CDC42BPB: variants seen among roughly 807,000 people sequenced by gnomAD.
The protein encoded by CDC42BPB is serine/threonine-protein kinase MRCK beta.
Under a neutral mutation model 214.9 loss-of-function variants are expected in CDC42BPB, and 37 were observed. The observed-to-expected ratio is 0.17, with a 90% CI of 0.13 to 0.23. The LOEUF (loss-of-function observed/expected upper bound fraction) is 0.23. Ranked by LOEUF, CDC42BPB falls within the 10% of genes least tolerant of loss-of-function variation. The probability of loss-of-function intolerance (pLI) is 1.00; values close to 1 mark genes in which losing one functional copy is unlikely to be tolerated. For missense variants in CDC42BPB, 1,694 were observed against 2,227.0 expected, an observed-to-expected ratio of 0.76 and a Z score of 4.82; for synonymous variants, 931 against 884.0, an observed-to-expected ratio of 1.05 and a Z score of -0.94.
chr14:102,945,173 C>A, intron 29 of CDC42BPB: 1 of 452,616 alleles, frequency 2.2e-6, no homozygotes. Context: ...CTATGGCTCA[C>A]ATGAAATGTC....
At chr14:102,977,582 G>A (rs150843659) in intron 9 of CDC42BPB, among the ~76,000 whole-genome samples, 1 of 152,254 alleles carries the variant, frequency 6.6e-6, no homozygotes, top group Non-Finnish European at 1.5e-5. Flanking sequence ...TGGGACAGGG[G>A]CCCACAACAC....
intron 1 of CDC42BPB, among the ~76,000 whole-genome samples, chr14:103,030,102 G>A (rs1887280916): frequency 6.6e-6 from 1 of 152,126 alleles, no homozygotes; most frequent in South Asian, 2.1e-4. Flanking sequence ...CTCAGAGTGA[G>A]GCGCTCACTT....
At chr14:102,952,196 T>A (rs932787953) in intron 24 of CDC42BPB, among the ~76,000 whole-genome samples, 1 of 151,550 alleles carries the variant, frequency 6.6e-6, no homozygotes, top group Non-Finnish European at 1.5e-5. Context: ...ACAAAAAAAA[T>A]TTAAAAATAG....
rs1891721453 is a variant in CDC42BPB at position 102,938,144 on chromosome 14, A to G, written c.4964T>C (p.Leu1655Pro). 6.2e-7 allele frequency: 1 copy of G among 1,613,980 alleles called. No homozygotes were observed. The change falls in exon 36 of 37, where the codon CTG (leucine) becomes CCG (proline). Residue 1655 changes from leucine (L) to proline (P), a missense_variant. Coordinates refer to ENST00000361246, the MANE Select transcript of CDC42BPB (RefSeq NM_006035.4). The part of the protein sequence containing the change: ...GGSEPSVTVP[L>P]RSMSDPDQDF... Reference sequence around the variant, plus strand: ...CTGGTCTGGATCAGACATACTTCTCAGAGGCACAGTCACGCTAGGCTCCGA... The same window carrying G: ...CTGGTCTGGATCAGACATACTTCTCGGAGGCACAGTCACGCTAGGCTCCGA...
At position 103,004,724 on chromosome 14, in the gene CDC42BPB, C is replaced by A. The variant is rs1353550222; in HGVS notation, c.352-701G>T. On this transcript the variant is annotated intron_variant, in intron 3 of 36. Coordinates refer to ENST00000361246, the MANE Select transcript of CDC42BPB (RefSeq NM_006035.4). The surrounding 1 kb of genome is among the most constrained non-coding windows in gnomAD (Gnocchi z 5.3). The stretch of plus-strand genomic sequence containing the variant: ...CTCTACTAAAAACTAGAAAAACTAG[C>A]CAGGTGTGGTGGCAGGTGCCTGTAA... 6.6e-6 allele frequency among the ~76,000 whole-genome samples: 1 copy of A among 151,968 alleles called. No individual in the cohort carries two copies. The highest frequency in any genetic ancestry group is 1.5e-5 in the Non-Finnish European group (1 of 67,984).
intron 30 of CDC42BPB, 34 bp from the exon 31 acceptor site, chr14:102,940,358 A>G (rs1303831712): frequency 6.5e-7 from 1 of 1,549,762 alleles, no homozygotes; most frequent in Non-Finnish European, 8.7e-7. Context: ...GGTGAGCCAC[A>G]GTGGCTCAGG....
intron 36 of CDC42BPB, 30 bp from the exon 37 acceptor site, chr14:102,933,873 C>A: frequency 6.7e-7 from 1 of 1,488,752 alleles, no homozygotes; most frequent in African/African-American, 1.5e-5. Flanking sequence ...AGGGTGAGCA[C>A]CCGCTGCCCT....
At chr14:102,976,787 C>T (rs535857568) in intron 9 of CDC42BPB, among the ~76,000 whole-genome samples, 1 of 152,296 alleles carries the variant, frequency 6.6e-6, no homozygotes, top group Admixed American at 6.5e-5. Context: ...TCCAGCCCTG[C>T]GGGATCTGTC....
intron 1 of CDC42BPB, chr14:103,041,542 C>T: frequency 7.4e-7 from 1 of 1,359,350 alleles, no homozygotes; most frequent in Non-Finnish European, 1.0e-6. Flanking sequence ...CCACATGGTT[C>T]AACCAGCCGG....
chr14:103,006,398 C>A lies in CDC42BPB; in HGVS notation c.351+2074G>T, dbSNP rs74082734. 5.5e-3 allele frequency among the ~76,000 whole-genome samples: 838 copies of A among 152,340 alleles called. 9 individuals carry two copies. The highest frequency in any genetic ancestry group is 0.019 in the African/African-American group (806 of 41,576). On this transcript the variant is annotated intron_variant, in intron 3 of 36. Coordinates refer to ENST00000361246, the MANE Select transcript of CDC42BPB (RefSeq NM_006035.4). Reference sequence around the variant, plus strand: ...GAAGCTCTGCCTGGCAGCTAGCTGCCCAGAGCATTTAGGAAAAACCCATTC... The same window carrying A: ...GAAGCTCTGCCTGGCAGCTAGCTGCACAGAGCATTTAGGAAAAACCCATTC...
intron 1 of CDC42BPB, among the ~76,000 whole-genome samples, chr14:103,031,940 T>C (rs1460074205): frequency 1.3e-5 from 2 of 151,954 alleles, no homozygotes; most frequent in Non-Finnish European, 2.9e-5. Context: ...CTCCAAAGTG[T>C]CTCCAGTGAA....
At position 102,967,122 on chromosome 14, in the gene CDC42BPB, C is replaced by T. The variant is rs1893245049; in HGVS notation, c.2395G>A (p.Asp799Asn). Reference protein sequence around the residue: ...KLTAQNRQLEDELQDLAAKKE... With the variant: ...KLTAQNRQLENELQDLAAKKE... ...TTGGCTGCCAGATCCTGCAGCTCAT[C>T]CTCCAGCTGTCTATTTTGAGCTGTG... The change falls in exon 17 of 37, where the codon GAT (aspartate) becomes AAT (asparagine). Residue 799 changes from aspartate (D) to asparagine (N), a missense_variant. By Grantham distance (23) the Asp-to-Asn change is conservative (BLOSUM62 1). Around this residue, in one of 7 missense-constraint regions of CDC42BPB, gnomAD observed 462 missense variants for 513.5 expected, o/e 0.90. Transcript: ENST00000361246. 4 of 1,614,074 alleles carry T rather than the reference C, an allele frequency of 2.5e-6. No homozygotes were observed. The Admixed American group carries it at 5.0e-5, about 20-fold the overall frequency.
intron 27 of CDC42BPB, 73 bp downstream of exon 27, chr14:102,947,648 A>G (rs1430044930): frequency 7.5e-7 from 1 of 1,328,646 alleles, no homozygotes; most frequent in Admixed American, 1.7e-5. Flanking sequence ...TGGCTGCCGC[A>G]GCACAATGAC....
At chr14:102,936,305 C>T (rs1431166362) in intron 36 of CDC42BPB, among the ~76,000 whole-genome samples, 1 of 152,358 alleles carries the variant, frequency 6.6e-6, no homozygotes, top group South Asian at 2.1e-4. Context: ...CACGTGTTCA[C>T]AGCAGCACCA....
intron 5 of CDC42BPB, among the ~76,000 whole-genome samples, chr14:102,994,290 T>C (rs1376338601): frequency 6.6e-6 from 1 of 152,142 alleles, no homozygotes; most frequent in Non-Finnish European, 1.5e-5. Context: ...CTTCCTTGTA[T>C]ACCTTCCAGG....
At chr14:103,044,691 G>C (rs1460867814) in intron 1 of CDC42BPB, among the ~76,000 whole-genome samples, 2 of 150,338 alleles carry the variant, frequency 1.3e-5, no homozygotes, top group Non-Finnish European at 3.0e-5. Context: ...ATTTAATTTT[G>C]CAGAGACGGG....
At chr14:102,981,692 G>A (rs542299899) in intron 7 of CDC42BPB, among the ~76,000 whole-genome samples, 55 of 152,238 alleles carry the variant, frequency 3.6e-4, no homozygotes, top group African/African-American at 1.2e-3. Context: ...CACGAGAATC[G>A]CTTAAACTCG....
At chr14:102,976,116 T>A (rs552839207) in intron 9 of CDC42BPB, 67 bp from the exon 10 acceptor site, 341 of 1,586,380 alleles carry the variant, frequency 2.1e-4, no homozygotes, top group Non-Finnish European at 2.8e-4. Flanking sequence ...GCATTTTCAA[T>A]CTTCCTGAGG....
intron 5 of CDC42BPB, among the ~76,000 whole-genome samples, chr14:102,987,780 AACACACAAACAC>A (rs1487521558): frequency 2.1e-4 from 19 of 89,196 alleles, no homozygotes; most frequent in African/African-American, 6.7e-4. Context: ...AAATCCCACA[AACACACAAACAC>A]ACACACACAC....
Sources: gnomAD v4.1 joint callset for allele counts (sites outside exome capture counted in the v4.1 genomes callset) on GRCh38, gnomAD v4.1.1 for gene constraint, gnomAD v4.1.1 regional missense constraint, Gnocchi (gnomAD v3.1) non-coding constraint, MANE v1.5 for transcripts, NCBI Gene and HGNC (gene_info 2026-07-23, HGNC 2026-07-21) for gene names.